LDLRAD4: variants seen among roughly 807,000 people sequenced by gnomAD.
LDLRAD4 encodes the protein low-density lipoprotein receptor class A domain-containing protein 4.
LDLRAD4 carries 5 observed loss-of-function variants against 17.0 expected under a neutral mutation model. That is an observed-to-expected ratio of 0.29 (90% confidence interval 0.15 to 0.62). LDLRAD4 has a LOEUF of 0.62. Ranked by LOEUF, LDLRAD4 falls within the 20% of genes least tolerant of loss-of-function variation. The pLI is 0.84. For synonymous variants in LDLRAD4, 168 were observed against 171.8 expected, an observed-to-expected ratio of 0.98 and a Z score of 0.17; for missense variants, 340 against 424.7, an observed-to-expected ratio of 0.80 and a Z score of 1.75.
chr18:13,633,396 C>G (rs2041837939), intron 4 of LDLRAD4, among the ~76,000 whole-genome samples: 1 of 152,198 alleles, frequency 6.6e-6, no homozygotes, highest in African/African-American at 2.4e-5. Context: ...GGGACCTGCC[C>G]CTTTTTGCCC....
intron 1 of LDLRAD4, among the ~76,000 whole-genome samples, chr18:13,299,088 A>G (rs1753448963): frequency 6.6e-6 from 1 of 152,244 alleles, no homozygotes. Context: ...AAAAGTGACT[A>G]TCATTTCTAT....
rs75694401 is a variant in LDLRAD4 at position 13,477,008 on chromosome 18, G to A, written c.181+38624G>A. 7.9e-3 allele frequency among the ~76,000 whole-genome samples: 1,209 copies of A among 152,230 alleles called. 21 individuals are homozygous for A. Among genetic ancestry groups the A allele is most frequent in the African/African-American group, 0.027 (1,140 of 41,526 alleles). ...GTCTCAAGAAAACTCACTAAGATCC[G>A]TTTATACAAACATGTTTGAATTTGA... On this transcript the variant is annotated intron_variant, in intron 3 of 5. Coordinates refer to ENST00000359446, the Ensembl canonical transcript of LDLRAD4.
At chr18:13,504,057 C>G (rs1648597) in intron 3 of LDLRAD4, among the ~76,000 whole-genome samples, 92,548 of 151,800 alleles carry the variant, frequency 0.61, 28,890 homozygotes, top group East Asian at 0.73. Flanking sequence ...CACCCTAGAG[C>G]TGAGGGAGAG....
intron 2 of LDLRAD4, among the ~76,000 whole-genome samples, chr18:13,407,643 C>T (rs574775865): frequency 6.6e-6 from 1 of 152,294 alleles, no homozygotes; most frequent in South Asian, 2.1e-4. Flanking sequence ...GAGCAGATGG[C>T]CATTCGGAGC....
intron 3 of LDLRAD4, among the ~76,000 whole-genome samples, chr18:13,607,236 CCCTCTCTGAG>C (rs2095233911): frequency 6.6e-6 from 1 of 152,154 alleles, no homozygotes; most frequent in Non-Finnish European, 1.5e-5. Flanking sequence ...AAAAGACTCA[CCCTCTCTGAG>C]CCTCAGTTTC....
chr18:13,253,484 G>GT (rs766246754), intron 1 of LDLRAD4, among the ~76,000 whole-genome samples: 3 of 152,200 alleles, frequency 2.0e-5, no homozygotes, highest in Non-Finnish European at 4.4e-5. Flanking sequence ...AATGAGCAGT[G>GT]TTAGGATGGC....
intron 3 of LDLRAD4, among the ~76,000 whole-genome samples, chr18:13,605,389 T>C (rs1443849641): frequency 1.3e-5 from 2 of 152,228 alleles, no homozygotes; most frequent in African/African-American, 4.8e-5. Context: ...GGCTAATTTT[T>C]AAATTTTTTT....
Position 13,621,374 on chromosome 18 carries a change from A to G in LDLRAD4, c.336+103A>G. 1 of 848,946 alleles carries G rather than the reference A, an allele frequency of 1.2e-6. No homozygotes were observed. The allele number at this position is 848,946 out of a possible 1,614,324, so 52.6% of individuals were successfully genotyped here. A position where few individuals can be genotyped will look rare whatever the true frequency, so the allele number is the denominator to read the frequency against. On this transcript the variant is annotated intron_variant, in intron 4 of 5. Transcript: ENST00000359446. This position sits in a 1 kb window ranked among gnomAD's most constrained non-coding sequence, Gnocchi z 5.5. The stretch of plus-strand genomic sequence containing the variant: ...GGAGTGCTTTCAGTTGACATGTAAC[A>G]AACGGGGCGAAGCGCACCTCGTAAG...
chr18:13,235,342 C>T (rs148671591), intron 1 of LDLRAD4, among the ~76,000 whole-genome samples: 6 of 152,274 alleles, frequency 3.9e-5, no homozygotes, highest in Non-Finnish European at 7.4e-5. Flanking sequence ...CTATCATAAC[C>T]TTGATTCTCC....
intron 1 of LDLRAD4, among the ~76,000 whole-genome samples, chr18:13,266,381 G>T (rs377536057): frequency 7.9e-5 from 12 of 152,246 alleles, no homozygotes; most frequent in East Asian, 5.8e-4. Context: ...CCTCGCACTG[G>T]GTCCGTGGCC....
chr18:13,453,077 G>A (rs1261278881), intron 3 of LDLRAD4, among the ~76,000 whole-genome samples: 1 of 152,212 alleles, frequency 6.6e-6, no homozygotes, highest in Admixed American at 6.5e-5. Flanking sequence ...TGAGGTCACG[G>A]GATTTGCATC....
chr18:13,600,540 CCTAAGA>C (rs2095149133), intron 3 of LDLRAD4, among the ~76,000 whole-genome samples: 1 of 152,190 alleles, frequency 6.6e-6, no homozygotes, highest in South Asian at 2.1e-4. Context: ...GAATCTGTAG[CCTAAGA>C]CTTCCAGGGC....
At chr18:13,346,217 G>A (rs994528113) in intron 1 of LDLRAD4, among the ~76,000 whole-genome samples, 1 of 152,112 alleles carries the variant, frequency 6.6e-6, no homozygotes, top group Admixed American at 6.6e-5. Context: ...TGGGCATTTA[G>A]TGCTATAAGT....
chr18:13,468,178 G>A (rs1404201113), intron 3 of LDLRAD4, among the ~76,000 whole-genome samples: 1 of 152,096 alleles, frequency 6.6e-6, no homozygotes. Flanking sequence ...TGCATCCAAA[G>A]ACATTATTAA....
intron 1 of LDLRAD4, among the ~76,000 whole-genome samples, chr18:13,336,425 C>T (rs2082107056): frequency 1.3e-5 from 2 of 151,988 alleles, no homozygotes; most frequent in Admixed American, 6.6e-5. Context: ...TGAATAATAC[C>T]TTTAAATATT....
chr18:13,448,773 A>G (rs2091598413), intron 3 of LDLRAD4, among the ~76,000 whole-genome samples: 1 of 152,114 alleles, frequency 6.6e-6, no homozygotes, highest in African/African-American at 2.4e-5. Flanking sequence ...AAATTATCCA[A>G]AAGGGTACTA....
intron 3 of LDLRAD4, among the ~76,000 whole-genome samples, chr18:13,477,502 C>T (rs575355137): frequency 4.6e-5 from 7 of 152,292 alleles, no homozygotes; most frequent in South Asian, 2.1e-4. Flanking sequence ...GAAGCCCAAG[C>T]GGAGAAAACC....
chr18:13,359,189 TG>T (rs2083513843), intron 1 of LDLRAD4, among the ~76,000 whole-genome samples: 1 of 152,192 alleles, frequency 6.6e-6, no homozygotes, highest in Non-Finnish European at 1.5e-5. Flanking sequence ...ACACTATAGG[TG>T]GCTCTGAGGC....
chr18:13,231,503 T>C (rs2145511703), intron 1 of LDLRAD4, among the ~76,000 whole-genome samples: 1 of 152,280 alleles, frequency 6.6e-6, no homozygotes, highest in South Asian at 2.1e-4. Flanking sequence ...CAGCCACGAA[T>C]GGTAAAGAAA....
Sources: gnomAD v4.1 joint callset for allele counts (sites outside exome capture counted in the v4.1 genomes callset) on GRCh38, gnomAD v4.1.1 for gene constraint, Gnocchi (gnomAD v3.1) non-coding constraint, MANE v1.5 for transcripts, NCBI Gene and HGNC (gene_info 2026-07-23, HGNC 2026-07-21) for gene names.